SPANXN4: variants seen among roughly 807,000 people sequenced by gnomAD.
The protein encoded by SPANXN4 is SPANX family member N4, also known as sperm protein associated with the nucleus on the X chromosome N4.
In SPANXN4, 5 loss-of-function variants were observed where a neutral mutation model predicts 6.0. The ratio of observed to expected loss-of-function variants is 0.83; its 90% CI spans 0.44 to 1.75. SPANXN4 has a LOEUF of 1.75. Among genes scored for constraint, SPANXN4 ranks in the 40% most tolerant of loss-of-function variants. The pLI, the probability that SPANXN4 is intolerant of heterozygous loss-of-function variation, is 0.02. For missense variants in SPANXN4, 157 were observed against 108.6 expected, an observed-to-expected ratio of 1.45 and a Z score of -1.98; for synonymous variants, 45 against 38.0, an observed-to-expected ratio of 1.19 and a Z score of -0.68.
chrX:143,034,466 G>A (rs1932832928), intron 2 of SPANXN4, 155 bp downstream of exon 2: 1 of 1,117,445 alleles, frequency 8.9e-7, no homozygotes, highest in Non-Finnish European at 1.2e-6. Context: ...GGGGAGGACT[G>A]ATTCCTGGAG....
downstream of SPANXN4, among the ~76,000 whole-genome samples, chrX:143,036,743 T>A (rs757406514): frequency 1.3e-4 from 14 of 111,959 alleles, no homozygotes; most frequent in Admixed American, 1.2e-3. Context: ...TTGGTTTGGC[T>A]GTTCTAGGCC....
chrX:143,026,586 G>T (rs934664371), intron 1 of SPANXN4, among the ~76,000 whole-genome samples: 1 of 111,491 alleles, frequency 9.0e-6, no homozygotes, highest in Admixed American at 9.5e-5. Context: ...AAGGAAGAGG[G>T]ACGTGGTTGA....
At chrX:143,036,169 T>C (rs1932842973), downstream of SPANXN4, among the ~76,000 whole-genome samples, 1 of 109,635 alleles carries the variant, frequency 9.1e-6, no homozygotes, top group Non-Finnish European at 1.9e-5. Context: ...ATCTTTCTTC[T>C]GGCTCTTTTC....
downstream of SPANXN4, among the ~76,000 whole-genome samples, chrX:143,035,920 T>A (rs755325953): frequency 9.4e-6 from 1 of 106,869 alleles, no homozygotes; most frequent in Admixed American, 1.0e-4. Flanking sequence ...GACTTACATC[T>A]CCCCATTTCT....
chrX:143,034,190 G>C, exon 2 of SPANXN4: 2 of 1,180,184 alleles, frequency 1.7e-6, no homozygotes, highest in Middle Eastern at 2.3e-4. Flanking sequence ...TCCAATCAAA[G>C]AGAAAGGAGA....
At chrX:143,037,954 T>C (rs985241843), downstream of SPANXN4, among the ~76,000 whole-genome samples, 8 of 111,598 alleles carry the variant, frequency 7.2e-5, no homozygotes, top group Admixed American at 7.7e-4. Flanking sequence ...TTTTAATAAA[T>C]TACCCAGTCT....
downstream of SPANXN4, among the ~76,000 whole-genome samples, chrX:143,035,075 C>CA (rs780134042): frequency 0.31 from 11,984 of 38,318 alleles, 1,606 homozygotes; most frequent in Admixed American, 0.39. Flanking sequence ...GACTCTGTCT[C>CA]AAAAAAAAAA....
chrX:143,031,841 A>C lies in SPANXN4; in HGVS notation c.79-2187A>C, dbSNP rs751643157. ...GGGCTGACTGGGAGATAAAGTGTAA[A>C]TGAAGGTGGATTTTGCCCTTATTGG... On this transcript the variant is annotated intron_variant, in intron 1 of 2. Transcript: ENST00000370504. Among the ~76,000 whole-genome samples, 15 of 111,503 alleles carry C rather than the reference A, an allele frequency of 1.3e-4. No individual in the cohort carries two copies. In the East Asian group the frequency reaches 3.1e-3, roughly 23 times the overall value.
intron 1 of SPANXN4, among the ~76,000 whole-genome samples, chrX:143,032,766 T>C (rs924311367): frequency 2.7e-5 from 3 of 111,276 alleles, no homozygotes; most frequent in African/African-American, 9.8e-5. Context: ...GGGTAGTGAA[T>C]ACCCCAGAGG....
exon 1 of SPANXN4, chrX:143,026,032 C>T: frequency 8.3e-7 from 1 of 1,209,325 alleles, no homozygotes; most frequent in Non-Finnish European, 1.1e-6. Flanking sequence ...AGCCAACTTC[C>T]AGCACCAACG....
At chrX:143,033,640 G>T (rs1233440390) in intron 1 of SPANXN4, among the ~76,000 whole-genome samples, 3 of 111,466 alleles carry the variant, frequency 2.7e-5, no homozygotes, top group African/African-American at 9.8e-5. Context: ...TTTCCTGTGG[G>T]ATGTCATTGT....
chrX:143,034,385 G>T, intron 2 of SPANXN4, 74 bp downstream of exon 2: 2 of 1,048,881 alleles, frequency 1.9e-6, no homozygotes, highest in Non-Finnish European at 1.3e-6. Context: ...ATTTGAGAAC[G>T]GAGGGATATG....
In SPANXN4 at chrX:143,034,459, G is replaced by C. The variant is rs139713847; in HGVS notation, c.284-50G>C. ...CAGACATTGTAAATAAAGACTGGGG[G>C]AGGACTGATTCCTGGAGACAAATTT... On this transcript the variant is annotated intron_variant, in intron 2 of 2. Coordinates refer to ENST00000370504, the Ensembl canonical transcript of SPANXN4. 5.4e-6 allele frequency: 6 copies of C among 1,114,521 alleles called. No homozygotes were observed. The African/African-American group carries it at 9.3e-5, about 17-fold the overall frequency. 91.8% of individuals were successfully genotyped at this position (1,114,521 alleles called of 1,213,427 possible).
chrX:143,034,169 A>G, exon 2 of SPANXN4: 1 of 1,181,508 alleles, frequency 8.5e-7, no homozygotes, highest in East Asian at 3.1e-5. Context: ...GCCTACAGAG[A>G]GCTCCACTGA....
downstream of SPANXN4, among the ~76,000 whole-genome samples, chrX:143,037,244 T>C (rs962312142): frequency 1.8e-5 from 2 of 111,093 alleles, no homozygotes; most frequent in African/African-American, 6.5e-5. Context: ...ATAGAAAGTG[T>C]CAGAATCCAA....
chrX:143,033,469 G>T (rs1932823184), intron 1 of SPANXN4, among the ~76,000 whole-genome samples: 2 of 111,497 alleles, frequency 1.8e-5, no homozygotes, highest in South Asian at 7.6e-4. Flanking sequence ...CAGGTATATT[G>T]CCGACAGCTG....
At chrX:143,026,041 C>T (rs1221257451) in exon 1 of SPANXN4, 43 of 1,209,270 alleles carry the variant, frequency 3.6e-5, no homozygotes, top group Middle Eastern at 2.3e-4. Flanking sequence ...CCAGCACCAA[C>T]GAGAATAAAA....
At chrX:143,025,935 C>T in exon 1 of SPANXN4, 1 of 989,557 alleles carries the variant, frequency 1.0e-6, no homozygotes, top group South Asian at 2.2e-5. Context: ...TGGGACAGCC[C>T]ACTGGAAAGC....
exon 2 of SPANXN4, chrX:143,034,089 A>G: frequency 8.5e-7 from 1 of 1,179,778 alleles, no homozygotes; most frequent in East Asian, 3.1e-5. Context: ...GAAAAAGCAA[A>G]ATATCCAACA....
Sources: gnomAD v4.1 joint callset for allele counts (sites outside exome capture counted in the v4.1 genomes callset) on GRCh38, gnomAD v4.1.1 for gene constraint, MANE v1.5 for transcripts, NCBI Gene and HGNC (gene_info 2026-07-23, HGNC 2026-07-21) for gene names.